The following MACROD2 variants were observed in gnomAD, a reference collection of about 807,000 sequenced individuals.
MACROD2 encodes mono-ADP ribosylhydrolase 2.
MACROD2 carries 36 observed loss-of-function variants against 70.4 expected under a neutral mutation model. That is an observed-to-expected ratio of 0.51 (90% CI 0.39 to 0.68). The LOEUF (loss-of-function observed/expected upper bound fraction) is 0.68, where lower values mean the gene tolerates loss of function less well. MACROD2 is among the 30% of genes least tolerant of loss of function. The probability of loss-of-function intolerance (pLI) is 0.00; values close to 1 mark genes in which losing one functional copy is unlikely to be tolerated. For missense variants in MACROD2, 496 were observed against 538.4 expected, an observed-to-expected ratio of 0.92 and a Z score of 0.78; for synonymous variants, 172 against 178.8, an observed-to-expected ratio of 0.96 and a Z score of 0.30.
At chr20:14,117,925 C>A (rs767036929) in intron 3 of MACROD2, among the ~76,000 whole-genome samples, 1 of 152,118 alleles carries the variant, frequency 6.6e-6, no homozygotes, top group Non-Finnish European at 1.5e-5. Context: ...ATGGATTTTA[C>A]TTCCATGACT....
chr20:14,169,014 G>A (rs2081195429), intron 3 of MACROD2, among the ~76,000 whole-genome samples: 1 of 152,172 alleles, frequency 6.6e-6, no homozygotes, highest in Non-Finnish European at 1.5e-5. Flanking sequence ...CCATGATTAA[G>A]TGGGTTTCAT....
chr20:15,068,228 GTAT>G (rs1481247252), intron 5 of MACROD2, among the ~76,000 whole-genome samples: 2 of 151,990 alleles, frequency 1.3e-5, no homozygotes, highest in East Asian at 3.9e-4. Flanking sequence ...AATTGTTATT[GTAT>G]TATTACATAT....
At chr20:14,861,353 AACAGCTGGGTTCC>A (rs1390210390) in intron 5 of MACROD2, among the ~76,000 whole-genome samples, 1 of 152,084 alleles carries the variant, frequency 6.6e-6, no homozygotes, top group African/African-American at 2.4e-5. Flanking sequence ...GAAACATACT[AACAGCTGGGTTCC>A]ACGTCCTAGA....
intron 3 of MACROD2, among the ~76,000 whole-genome samples, chr20:14,120,006 T>TA (rs2054564781): frequency 6.6e-6 from 1 of 151,682 alleles, no homozygotes; most frequent in Non-Finnish European, 1.5e-5. Context: ...GTCGGGAGTT[T>TA]AAGACCAGCC....
intron 3 of MACROD2, among the ~76,000 whole-genome samples, chr20:14,093,611 TAAAC>T (rs1195826291): frequency 1.3e-5 from 2 of 151,502 alleles, no homozygotes; most frequent in East Asian, 1.9e-4. Context: ...TCTTTACGGT[TAAAC>T]AAACAGATTT....
intron 6 of MACROD2, among the ~76,000 whole-genome samples, chr20:15,292,814 G>T (rs17370650): frequency 0.16 from 24,287 of 152,056 alleles, 2,343 homozygotes; most frequent in Non-Finnish European, 0.22. Flanking sequence ...TTGGTTTAAT[G>T]CTTCCATTCA....
intron 6 of MACROD2, among the ~76,000 whole-genome samples, chr20:15,329,070 AC>A (rs1419355261): frequency 2.6e-5 from 4 of 152,180 alleles, no homozygotes; most frequent in Non-Finnish European, 5.9e-5. Flanking sequence ...AAAGTAGGAA[AC>A]AAAACATACA....
At chr20:14,129,838 T>C (rs536953946) in intron 3 of MACROD2, among the ~76,000 whole-genome samples, 8 of 152,228 alleles carry the variant, frequency 5.3e-5, no homozygotes, top group Non-Finnish European at 1.0e-4. Flanking sequence ...ATAAAGTATT[T>C]TTTAAAGTAA....
At chr20:15,648,258 T>A (rs2049584066) in intron 8 of MACROD2, among the ~76,000 whole-genome samples, 1 of 152,178 alleles carries the variant, frequency 6.6e-6, no homozygotes, top group Non-Finnish European at 1.5e-5. Flanking sequence ...ATAGGGCTGG[T>A]GATAGATTGG....
chr20:15,838,851 A>G (rs150988767), intron 8 of MACROD2, among the ~76,000 whole-genome samples: 2,837 of 149,960 alleles, frequency 0.019, 37 homozygotes, highest in Middle Eastern at 0.034. Context: ...CATTTGATAA[A>G]AGCATTTATA....
At chr20:14,273,493 CA>C (rs1326130691) in intron 3 of MACROD2, among the ~76,000 whole-genome samples, 2 of 147,924 alleles carry the variant, frequency 1.4e-5, no homozygotes, top group African/African-American at 5.0e-5. Flanking sequence ...ACATTCAAAG[CA>C]GTGTGTAGAG....
chr20:15,765,708 C>T (rs2051511827), intron 8 of MACROD2, among the ~76,000 whole-genome samples: 2 of 151,942 alleles, frequency 1.3e-5, no homozygotes, highest in Admixed American at 6.6e-5. Flanking sequence ...TTTACAACAG[C>T]AACAAGAAAG....
chr20:14,854,745 G>A (rs1164072003), intron 5 of MACROD2, among the ~76,000 whole-genome samples: 3 of 152,222 alleles, frequency 2.0e-5, no homozygotes, highest in African/African-American at 4.8e-5. Context: ...GGCCGGGCAC[G>A]ATGGCTCACG....
At chr20:15,562,416 G>A (rs1025197629) in intron 8 of MACROD2, among the ~76,000 whole-genome samples, 3 of 152,170 alleles carry the variant, frequency 2.0e-5, no homozygotes, top group African/African-American at 7.2e-5. Context: ...ATGATTAGGT[G>A]CACCTAAGCT....
chr20:14,101,103 TA>T, intron 3 of MACROD2, among the ~76,000 whole-genome samples: 1 of 151,782 alleles, frequency 6.6e-6, no homozygotes, highest in South Asian at 2.1e-4. Context: ...AAGTTAATTA[TA>T]AAAACTTTTG....
chr20:14,459,352 A>G (rs2084340550), intron 3 of MACROD2, among the ~76,000 whole-genome samples: 1 of 152,028 alleles, frequency 6.6e-6, no homozygotes, highest in East Asian at 1.9e-4. Context: ...AAATATTTAT[A>G]CTTATGAGAC....
At position 15,817,911 on chromosome 20, in the gene MACROD2, T is replaced by C. The variant is rs565713215; in HGVS notation, c.646-44834T>C. On this transcript the variant is annotated intron_variant, in intron 8 of 17. Transcript: ENST00000684519. ...CCTTACTTCTTGTCATTTTATTATT[T>C]GAATGCCAGTTACCTACTGGACCAC... 3.4e-3 allele frequency among the ~76,000 whole-genome samples: 514 copies of C among 152,316 alleles called. 2 individuals are homozygous for C. The highest frequency in any genetic ancestry group is 3.9e-3 in the Non-Finnish European group (266 of 68,022).
Position 14,326,377 on chromosome 20 carries a change from G to T in MACROD2, c.272-167102G>T. On this transcript the variant is annotated intron_variant, in intron 3 of 17. Coordinates refer to ENST00000684519, the MANE Select transcript of MACROD2 (RefSeq NM_001351661.2). The surrounding 1 kb of genome is among the most constrained non-coding windows in gnomAD (Gnocchi z 5.5). Reference sequence around the variant, plus strand: ...CACTGGAGCTGGCCACTGTCCTTGGGCAGGATACACTGTGTTGGGTATTGC... The same window carrying T: ...CACTGGAGCTGGCCACTGTCCTTGGTCAGGATACACTGTGTTGGGTATTGC... 1 of 1,613,896 alleles carries T rather than the reference G, an allele frequency of 6.2e-7. No homozygotes were observed. Among genetic ancestry groups the T allele is most frequent in the Non-Finnish European group, 8.5e-7 (1 of 1,179,876 alleles).
chr20:14,606,337 G>A (rs138970078), intron 4 of MACROD2, among the ~76,000 whole-genome samples: 1 of 152,170 alleles, frequency 6.6e-6, no homozygotes, highest in African/African-American at 2.4e-5. Flanking sequence ...ATTGAGATAA[G>A]AAGACCATTT....
Sources: allele counts gnomAD v4.1 joint callset (sites outside exome capture counted in the v4.1 genomes callset), GRCh38; gene constraint gnomAD v4.1.1; non-coding constraint Gnocchi (gnomAD v3.1); transcripts MANE v1.5; gene names NCBI Gene and HGNC (gene_info 2026-07-23, HGNC 2026-07-21).